NID1: variants seen among roughly 807,000 people sequenced by gnomAD.
NID1 encodes nidogen-1.
Under a neutral mutation model 130.6 loss-of-function variants are expected in NID1, and 76 were observed. The observed-to-expected ratio is 0.58, with a 90% confidence interval of 0.48 to 0.70. The LOEUF is 0.70. NID1 is among the 30% of genes least tolerant of loss of function. The pLI is 0.00. For synonymous variants in NID1, 665 were observed against 675.1 expected (o/e 0.98, Z 0.23); for missense variants, 1,517 against 1,664.8 (o/e 0.91, Z 1.54).
chr1:235,981,864 T>G, intron 15 of NID1, 82 bp from the exon 16 acceptor site: 3 of 1,280,956 alleles, frequency 2.3e-6, no homozygotes, highest in Non-Finnish European at 3.2e-6. Flanking sequence ...CTCAATGTTA[T>G]TTCACATGGT....
chr1:236,019,915 T>A (rs1304666239), intron 9 of NID1, among the ~76,000 whole-genome samples: 1 of 151,664 alleles, frequency 6.6e-6, no homozygotes, highest in Non-Finnish European at 1.5e-5. Context: ...CATGTGCCTG[T>A]AATTCCGGCA....
At chr1:235,980,371 C>T (rs904531040) in intron 17 of NID1, 125 bp downstream of exon 17, 11 of 923,640 alleles carry the variant, frequency 1.2e-5, no homozygotes, top group Non-Finnish European at 1.8e-5. Context: ...CCGTAAAAAC[C>T]ATTCATAGCT....
In NID1 at chr1:236,011,936, G is replaced by A. The variant is rs763658641; in HGVS notation, c.2512C>T (p.Arg838Cys). 5.0e-6 allele frequency: 8 copies of A among 1,613,924 alleles called. No individual in the cohort carries two copies. The Admixed American group carries it at 8.3e-5, about 17-fold the overall frequency. The change falls in exon 12 of 20, where the codon CGT becomes TGT. Residue 838 changes from arginine to cysteine, a missense_variant. Arg to Cys is a radical substitution (Grantham distance 180). Transcript: ENST00000264187. ...CKPGYQGDGF[R>C]CVPGEVEKTR... The stretch of plus-strand genomic sequence containing the variant: ...ACCACCTTACCTCCGGGCACGCAAC[G>A]GAAGCCGTCTCCCTGATAACCAGGT...
intron 19 of NID1, among the ~76,000 whole-genome samples, chr1:235,978,216 G>A (rs1657327105): frequency 6.6e-6 from 1 of 152,220 alleles, no homozygotes; most frequent in Non-Finnish European, 1.5e-5. Flanking sequence ...CAACTTGGGG[G>A]TTATGCAGAT....
At chr1:235,984,830 T>A (rs1025428669) in intron 15 of NID1, among the ~76,000 whole-genome samples, 8 of 152,106 alleles carry the variant, frequency 5.3e-5, no homozygotes, top group African/African-American at 1.9e-4. Flanking sequence ...ACAGAGTCAT[T>A]GGTTGAAATT....
intron 15 of NID1, 86 bp downstream of exon 15, chr1:235,985,293 T>C: frequency 7.0e-7 from 1 of 1,427,874 alleles, no homozygotes; most frequent in Non-Finnish European, 9.8e-7. Context: ...AAGTTTGGCT[T>C]CATTTGCTGT....
At chr1:236,051,987 C>T (rs1659772564) in intron 1 of NID1, among the ~76,000 whole-genome samples, 1 of 152,200 alleles carries the variant, frequency 6.6e-6, no homozygotes, top group Admixed American at 6.5e-5. Context: ...TCATATAACC[C>T]TCATTAGTAT....
chr1:236,053,676 C>T (rs151270093), intron 1 of NID1, among the ~76,000 whole-genome samples: 112 of 152,286 alleles, frequency 7.4e-4, no homozygotes, highest in Middle Eastern at 6.8e-3. Context: ...CATTTCTTCA[C>T]GGTCAGGGAC....
In NID1 at chr1:236,017,009, T is replaced by A. The variant is rs750524041; in HGVS notation, c.2254+139A>T. 1.0e-5 allele frequency: 11 copies of A among 1,081,234 alleles called. No homozygotes were observed. In the African/African-American group the frequency reaches 1.7e-4, roughly 17 times the overall value. The allele number at this position is 1,081,234 out of a possible 1,614,324, so 67.0% of individuals were successfully genotyped here. A position where few individuals can be genotyped will look rare whatever the true frequency, so the allele number is the denominator to read the frequency against. On this transcript the variant is annotated intron_variant, in intron 10 of 19. Coordinates refer to ENST00000264187, the MANE Select transcript of NID1 (RefSeq NM_002508.3). ...AGATAGTTGGAGGGCAGAGGCTAAG[T>A]CTGATTCATCTTTATAAATTGCTCT...
chr1:236,045,757 A>C (rs1659583810), intron 2 of NID1, 74 bp from the exon 3 acceptor site: 2 of 1,203,824 alleles, frequency 1.7e-6, no homozygotes, highest in Non-Finnish European at 2.4e-6. Flanking sequence ...TCGCCAGACT[A>C]TCTATAAAGC....
intron 10 of NID1, among the ~76,000 whole-genome samples, chr1:236,015,742 G>A (rs16833108): frequency 6.6e-6 from 1 of 151,430 alleles, no homozygotes; most frequent in African/African-American, 2.4e-5. Context: ...AGCTCCTGAG[G>A]CACCTCCAAG....
intron 7 of NID1, among the ~76,000 whole-genome samples, chr1:236,027,986 A>T (rs1658988862): frequency 1.3e-5 from 2 of 152,250 alleles, no homozygotes; most frequent in South Asian, 2.1e-4. Context: ...AAATTAAATT[A>T]AAAAAATAAA....
At position 235,993,787 on chromosome 1, in the gene NID1, C is replaced by T. The variant is rs34932150; in HGVS notation, c.2613G>A (p.Pro871=). ...CATCGCACTCAGGAACGAACAGCCCCGGAGGAATGGGTCGCTGTGGGTCTG... is the reference window on the plus strand; with the variant it reads ...CATCGCACTCAGGAACGAACAGCCCTGGAGGAATGGGTCGCTGTGGGTCTG... ...GATDPQRPIP[P]GLFVPECDAH... The change falls in exon 13 of 20, where the codon CCG becomes CCA. Residue 871 remains proline (P), a synonymous_variant. Coordinates refer to ENST00000264187, the MANE Select transcript of NID1 (RefSeq NM_002508.3). The T allele has an allele frequency of 1.2e-6, 2 of 1,614,178 alleles. No individual in the cohort carries two copies. The highest frequency in any genetic ancestry group is 1.1e-5 in the South Asian group (1 of 91,086).
intron 4 of NID1, among the ~76,000 whole-genome samples, chr1:236,040,805 A>G (rs753207680): frequency 1.5e-4 from 23 of 151,938 alleles, no homozygotes; most frequent in Non-Finnish European, 2.4e-4. Flanking sequence ...CTGGGATTAC[A>G]GATGCCTGCC....
chr1:236,025,843 G>A (rs184507373), intron 8 of NID1, 53 bp downstream of exon 8: 13 of 1,587,428 alleles, frequency 8.2e-6, no homozygotes, highest in Admixed American at 3.4e-5. Context: ...TCAAAGAGTG[G>A]GGTTTTAAAA....
At chr1:236,049,017 G>A in intron 1 of NID1, 28 bp from the exon 2 acceptor site, 1 of 1,604,524 alleles carries the variant, frequency 6.2e-7, no homozygotes, top group Non-Finnish European at 8.5e-7. Context: ...TGGTTAAAAG[G>A]AATGCAGAAA....
chr1:236,021,442 C>A (rs1236773730), intron 9 of NID1, among the ~76,000 whole-genome samples: 2 of 152,340 alleles, frequency 1.3e-5, no homozygotes, highest in East Asian at 3.9e-4. Context: ...ATTTCAGACA[C>A]CCTGACAGGC....
chr1:236,058,231 TACTGCTTACAACATC>T (rs1186235388), intron 1 of NID1, among the ~76,000 whole-genome samples: 9 of 152,220 alleles, frequency 5.9e-5, no homozygotes, highest in Admixed American at 2.6e-4. Flanking sequence ...TTCCCTGAAA[TACTGCTTACAACATC>T]AGTTCACACT....
Position 235,993,645 on chromosome 1 carries a change from A to G in NID1, c.2755T>C (p.Cys919Arg), listed in dbSNP as rs1456716054. 1.3e-6 allele frequency: 2 copies of G among 1,541,012 alleles called. No homozygotes were observed. Among genetic ancestry groups the G allele is most frequent in the African/African-American group, 2.7e-5 (2 of 73,394 alleles). ...TRTRPGMTPP[C>R]LSTVAPPIHQ... Reference sequence around the variant, plus strand: ...CCAAGCACGGCCTGCACCCACTTACACGGGGGCGTCATCCCGGGCCTGGTC... The same window carrying G: ...CCAAGCACGGCCTGCACCCACTTACGCGGGGGCGTCATCCCGGGCCTGGTC... The change falls in exon 13 of 20, where the codon TGT becomes CGT. Residue 919 changes from cysteine to arginine, a missense_variant and splice_region_variant. Cys to Arg is a radical substitution (Grantham distance 180). Around this residue, in one of 3 missense-constraint regions of NID1, gnomAD observed 1,329 missense variants for 1,429.2 expected, o/e 0.93. Transcript: ENST00000264187.
Sources: allele counts gnomAD v4.1 joint callset (sites outside exome capture counted in the v4.1 genomes callset), GRCh38; gene constraint gnomAD v4.1.1; regional missense constraint gnomAD v4.1.1; transcripts MANE v1.5; gene names NCBI Gene and HGNC (gene_info 2026-07-23, HGNC 2026-07-21).